Variants in RFTN1 observed in about 807,000 individuals in gnomAD.
The protein encoded by RFTN1 is raftlin, lipid raft linker 1, also known as raftlin.
RFTN1 carries 26 observed loss-of-function variants against 46.5 expected under a neutral mutation model. The observed-to-expected ratio is 0.56, with a 90% CI of 0.41 to 0.78. The LOEUF (loss-of-function observed/expected upper bound fraction) is 0.78, where lower values mean the gene tolerates loss of function less well. RFTN1 is among the 30% of genes least tolerant of loss of function. RFTN1 has a pLI of 0.00. For synonymous variants in RFTN1, 261 were observed against 284.2 expected (o/e 0.92, Z 0.82); for missense variants, 693 against 718.7 (o/e 0.96, Z 0.41).
chr3:16,323,455 T>A lies in RFTN1; in HGVS notation c.1253A>T (p.Glu418Val), dbSNP rs200833904. The A allele has an allele frequency of 3.5e-5, 56 of 1,610,124 alleles. No homozygotes were observed. The highest frequency in any genetic ancestry group is 4.4e-5 in the Non-Finnish European group (52 of 1,176,806). ...AATCTGCTTGGTGGATACACTCCCC[T>A]CGCTGTAACACACGGAGCTGAGAAT... Reference protein sequence around the residue: ...LPTPVVKTTSEGSVSTKQIVF... With the variant: ...LPTPVVKTTSVGSVSTKQIVF... The change falls in exon 9 of 10, where the codon GAG (glutamate) becomes GTG (valine). Residue 418 changes from glutamate to valine, a missense_variant and splice_region_variant. Glu to Val is a moderately radical substitution (Grantham distance 121, BLOSUM62 -2). Transcript: ENST00000334133.
chr3:16,474,391 A>G lies in RFTN1; in HGVS notation c.145+19334T>C, dbSNP rs1356582613. On this transcript the variant is annotated intron_variant, in intron 2 of 9. Coordinates refer to ENST00000334133, the MANE Select transcript of RFTN1 (RefSeq NM_015150.2). The surrounding 1 kb of genome is among the most constrained non-coding windows in gnomAD (Gnocchi z 5.5). The stretch of plus-strand genomic sequence containing the variant: ...CTGCCAGCACTATTCCCTGACATGC[A>G]GGGTGATGGACTGCTACACAGCTGC... 6.6e-6 allele frequency among the ~76,000 whole-genome samples: 1 copy of G among 152,224 alleles called. No individual in the cohort carries two copies. Among genetic ancestry groups the G allele is most frequent in the African/African-American group, 2.4e-5 (1 of 41,454 alleles).
chr3:16,510,025 G>A (rs1244201147), intron 1 of RFTN1, among the ~76,000 whole-genome samples: 1 of 152,160 alleles, frequency 6.6e-6, no homozygotes, highest in Non-Finnish European at 1.5e-5. Context: ...GGCAAGCTTT[G>A]GCTGTTGGCA....
In RFTN1 at chr3:16,335,320, A is replaced by C. The variant is rs1476038963; in HGVS notation, c.1147-8444T>G. ...GAGGGGGTGAGCAGAAGATGAACGA[A>C]AATGGGCTGAGTGGGAAGGAATCAG... On this transcript the variant is annotated intron_variant, in intron 7 of 9. Transcript: ENST00000334133. This position sits in a 1 kb window ranked among gnomAD's most constrained non-coding sequence, Gnocchi z 4.7. Among the ~76,000 whole-genome samples the C allele has an allele frequency of 1.3e-5, 2 of 152,264 alleles. No individual in the cohort carries two copies. Among genetic ancestry groups the C allele is most frequent in the East Asian group, 3.9e-4 (2 of 5,164 alleles).
chr3:16,340,957 C>T (rs1036164095), intron 7 of RFTN1, among the ~76,000 whole-genome samples: 1 of 152,126 alleles, frequency 6.6e-6, no homozygotes, highest in African/African-American at 2.4e-5. Flanking sequence ...TAAGACTAAA[C>T]AATAAGACAA....
intron 5 of RFTN1, among the ~76,000 whole-genome samples, chr3:16,373,387 G>A (rs1009015687): frequency 6.6e-6 from 1 of 152,368 alleles, no homozygotes; most frequent in Non-Finnish European, 1.5e-5. Context: ...GGCAGGTTAA[G>A]GGGGCATGGG....
At chr3:16,510,725 T>A (rs2076884665) in intron 1 of RFTN1, among the ~76,000 whole-genome samples, 1 of 152,228 alleles carries the variant, frequency 6.6e-6, no homozygotes, top group Non-Finnish European at 1.5e-5. Flanking sequence ...CAGTTTCTTT[T>A]CAGGTTTCCA....
In RFTN1 at chr3:16,342,577, G is replaced by A. The variant is rs1003200256; in HGVS notation, c.1146+15355C>T. Among the ~76,000 whole-genome samples, 1 of 152,074 alleles carries A rather than the reference G, an allele frequency of 6.6e-6. No individual in the cohort carries two copies. The highest frequency in any genetic ancestry group is 2.4e-5 in the African/African-American group (1 of 41,410). ...AATTGCTGGGTCATATGGTAACTATGTTTAACATTTTGGGAAAGTGTCCAT... is the reference window on the plus strand; with the variant it reads ...AATTGCTGGGTCATATGGTAACTATATTTAACATTTTGGGAAAGTGTCCAT... On this transcript the variant is annotated intron_variant, in intron 7 of 9. Coordinates refer to ENST00000334133, the MANE Select transcript of RFTN1 (RefSeq NM_015150.2). This position sits in a 1 kb window ranked among gnomAD's most constrained non-coding sequence, Gnocchi z 4.0.
rs532292741 is a variant in RFTN1, at chr3:16,380,305, C to T, written c.442-2203G>A. On this transcript the variant is annotated intron_variant, in intron 4 of 9. Coordinates refer to ENST00000334133, the MANE Select transcript of RFTN1 (RefSeq NM_015150.2). This position sits in a 1 kb window ranked among gnomAD's most constrained non-coding sequence, Gnocchi z 4.8. ...GTTTAGACATTACATATGGCAAGTG[C>T]GCCAAAGGATGGGGCACAAAGACGG... Among the ~76,000 whole-genome samples, 14 of 152,306 alleles carry T rather than the reference C, an allele frequency of 9.2e-5. No individual in the cohort carries two copies. The South Asian group carries it at 1.5e-3, about 16-fold the overall frequency.
Position 16,348,421 on chromosome 3 carries a change from C to G in RFTN1, c.1146+9511G>C, listed in dbSNP as rs1037315308. Among the ~76,000 whole-genome samples, 1 of 152,120 alleles carries G rather than the reference C, an allele frequency of 6.6e-6. No individual in the cohort carries two copies. The highest frequency in any genetic ancestry group is 1.5e-5 in the Non-Finnish European group (1 of 68,022). ...AGCTGGCCTCTGCTCCTGTCACTTC[C>G]CACAGCAGGAAGCCCCCACACTCAA... On this transcript the variant is annotated intron_variant, in intron 7 of 9. Transcript: ENST00000334133. The surrounding 1 kb of genome is among the most constrained non-coding windows in gnomAD (Gnocchi z 6.3).
Position 16,479,093 on chromosome 3 carries a change from G to A in RFTN1, c.145+14632C>T, listed in dbSNP as rs573825066. Reference sequence around the variant, plus strand: ...CTTGATATCATAACACTAATGAGCAGGAAAGTTGAGTTAAAGTTGCTTTTT... The same window carrying A: ...CTTGATATCATAACACTAATGAGCAAGAAAGTTGAGTTAAAGTTGCTTTTT... On this transcript the variant is annotated intron_variant, in intron 2 of 9. Transcript: ENST00000334133. The surrounding 1 kb of genome is among the most constrained non-coding windows in gnomAD (Gnocchi z 5.1). Among the ~76,000 whole-genome samples the A allele has an allele frequency of 1.7e-4, 26 of 152,236 alleles. 2 individuals are homozygous for A. The South Asian group carries it at 4.6e-3, about 27-fold the overall frequency.
Position 16,504,759 on chromosome 3 carries a change from C to T in RFTN1, c.-9+8683G>A, listed in dbSNP as rs534450594. 1.3e-5 allele frequency among the ~76,000 whole-genome samples: 2 copies of T among 152,322 alleles called. No individual in the cohort carries two copies. Among genetic ancestry groups the T allele is most frequent in the African/African-American group, 4.8e-5 (2 of 41,558 alleles). On this transcript the variant is annotated intron_variant, in intron 1 of 9. Transcript: ENST00000334133. The surrounding 1 kb of genome is among the most constrained non-coding windows in gnomAD (Gnocchi z 4.4). ...CTTCCCAGCCTGCCTGTCTTCTCTC[C>T]AGCTCCAGGCAGACATCTCCAAGAA... is the stretch of plus-strand genomic sequence containing the variant.
chr3:16,498,140 T>C lies in RFTN1; in HGVS notation c.-8-4263A>G, dbSNP rs931584845. ...GATCAGACACAGAAAAGATAAAGAG[T>C]ATGTTACATTAAACCAAATTTGGCT... On this transcript the variant is annotated intron_variant, in intron 1 of 9. Coordinates refer to ENST00000334133, the MANE Select transcript of RFTN1 (RefSeq NM_015150.2). This position sits in a 1 kb window ranked among gnomAD's most constrained non-coding sequence, Gnocchi z 5.2. Among the ~76,000 whole-genome samples the C allele has an allele frequency of 7.9e-5, 12 of 152,022 alleles. No individual in the cohort carries two copies. The highest frequency in any genetic ancestry group is 4.4e-5 in the Non-Finnish European group (3 of 68,010).
chr3:16,414,297 A>G (rs111418587), intron 3 of RFTN1, among the ~76,000 whole-genome samples: 1,607 of 145,896 alleles, frequency 0.011, 27 homozygotes, highest in African/African-American at 0.039. Flanking sequence ...GAAGTCTTGA[A>G]AAAAAAAAAA....
chr3:16,387,093 G>A lies in RFTN1; in HGVS notation c.442-8991C>T, dbSNP rs985993850. On this transcript the variant is annotated intron_variant, in intron 4 of 9. Transcript: ENST00000334133. The surrounding 1 kb of genome is among the most constrained non-coding windows in gnomAD (Gnocchi z 5.2). ...TGCTTTAAGAGGCACACAGATGAGTGTTCCTTCTCTTCCTTCCCTGTCCAT... is the reference window on the plus strand; with the variant it reads ...TGCTTTAAGAGGCACACAGATGAGTATTCCTTCTCTTCCTTCCCTGTCCAT... Among the ~76,000 whole-genome samples, 8 of 152,326 alleles carry A rather than the reference G, an allele frequency of 5.3e-5. No homozygotes were observed. The highest frequency in any genetic ancestry group is 1.7e-4 in the African/African-American group (7 of 41,572).
At chr3:16,476,295 A>G (rs1016095013) in intron 2 of RFTN1, among the ~76,000 whole-genome samples, 1 of 152,190 alleles carries the variant, frequency 6.6e-6, no homozygotes, top group Admixed American at 6.5e-5. Context: ...TTGCATTTTC[A>G]TATTAATCAT....
intron 5 of RFTN1, among the ~76,000 whole-genome samples, chr3:16,377,066 G>A (rs1441034571): frequency 6.6e-6 from 1 of 152,010 alleles, no homozygotes; most frequent in East Asian, 1.9e-4. Flanking sequence ...TGGAGAAAGG[G>A]GGAAATATGG....
rs2075765450 is a variant in RFTN1 at position 16,448,138 on chromosome 3, C to T, written c.146-14101G>A. On this transcript the variant is annotated intron_variant, in intron 2 of 9. Transcript: ENST00000334133. This position sits in a 1 kb window ranked among gnomAD's most constrained non-coding sequence, Gnocchi z 4.1. ...AAGACTTGGTAAAAAAAAAAAAAGT[C>T]TCCCAATAATAATTTTTTATTGATT... 6.6e-6 allele frequency among the ~76,000 whole-genome samples: 1 copy of T among 151,244 alleles called. No homozygotes were observed. Among genetic ancestry groups the T allele is most frequent in the Admixed American group, 6.6e-5 (1 of 15,206 alleles).
Position 16,351,790 on chromosome 3 carries a change from A to C in RFTN1, c.1146+6142T>G, listed in dbSNP as rs999323855. ...GTTGTTTCTCAAAAAACTAAGTTGAATTCCTTGAATAGACTCAGCAAAGAA... is the reference window on the plus strand; with the variant it reads ...GTTGTTTCTCAAAAAACTAAGTTGACTTCCTTGAATAGACTCAGCAAAGAA... On this transcript the variant is annotated intron_variant, in intron 7 of 9. Transcript: ENST00000334133. The surrounding 1 kb of genome is among the most constrained non-coding windows in gnomAD (Gnocchi z 5.4). Among the ~76,000 whole-genome samples the C allele has an allele frequency of 6.6e-6, 1 of 152,234 alleles. No individual in the cohort carries two copies. The highest frequency in any genetic ancestry group is 1.5e-5 in the Non-Finnish European group (1 of 68,036).
Position 16,489,952 on chromosome 3 carries a change from T to C in RFTN1, c.145+3773A>G, listed in dbSNP as rs566237260. ...AAAGAAAAATGAGGTGAGGACGTAA[T>C]GTCCTATCACAGGACTGGGCACATA... is the stretch of plus-strand genomic sequence containing the variant. On this transcript the variant is annotated intron_variant, in intron 2 of 9. Transcript: ENST00000334133. This position sits in a 1 kb window ranked among gnomAD's most constrained non-coding sequence, Gnocchi z 4.0. Among the ~76,000 whole-genome samples the C allele has an allele frequency of 6.6e-6, 1 of 152,112 alleles. No homozygotes were observed. The highest frequency in any genetic ancestry group is 2.4e-5 in the African/African-American group (1 of 41,418).
Sources: allele counts gnomAD v4.1 joint callset (sites outside exome capture counted in the v4.1 genomes callset), GRCh38; gene constraint gnomAD v4.1.1; non-coding constraint Gnocchi (gnomAD v3.1); transcripts MANE v1.5; gene names NCBI Gene and HGNC (gene_info 2026-07-23, HGNC 2026-07-21).